Variants in SLF2 observed in about 807,000 individuals in gnomAD.
SLF2 encodes SMC5/6 complex localization factor 2.
SLF2 carries 68 observed loss-of-function variants against 124.3 expected under a neutral mutation model. The observed-to-expected ratio is 0.55, with a 90% confidence interval of 0.45 to 0.67. The LOEUF (loss-of-function observed/expected upper bound fraction) is 0.67. Ranked by LOEUF, SLF2 falls within the 30% of genes least tolerant of loss-of-function variation. The probability of loss-of-function intolerance (pLI) is 0.00; values close to 1 mark genes in which losing one functional copy is unlikely to be tolerated. For missense variants in SLF2, 1,246 were observed against 1,373.7 expected (o/e 0.91, Z 1.47); for synonymous variants, 480 against 478.8 (o/e 1.00, Z -0.03).
intron 4 of SLF2, 142 bp downstream of exon 4, chr10:100,918,583 A>T (rs890124740): frequency 1.0e-5 from 6 of 579,688 alleles, no homozygotes; most frequent in African/African-American, 9.7e-5. Flanking sequence ...GTTTGGTAAG[A>T]TCATATTAAA....
At position 100,916,386 on chromosome 10, in the gene SLF2, A is replaced by G. The variant is rs375467291; in HGVS notation, c.185-184A>G. On this transcript the variant is annotated intron_variant, in intron 2 of 19. Coordinates refer to ENST00000238961, the MANE Select transcript of SLF2 (RefSeq NM_018121.4). Reference sequence around the variant, plus strand: ...TATGAAACTAAGGCTTTTAACAAATAAATCATCTCTTAATTTCTCCTATAC... The same window carrying G: ...TATGAAACTAAGGCTTTTAACAAATGAATCATCTCTTAATTTCTCCTATAC... Among the ~76,000 whole-genome samples the G allele has an allele frequency of 3.9e-5, 6 of 152,306 alleles. No homozygotes were observed. In the South Asian group the frequency reaches 8.3e-4, roughly 21 times the overall value.
chr10:100,937,382 C>T lies in SLF2; in HGVS notation c.2437-20C>T. 1 of 1,578,726 alleles carries T rather than the reference C, an allele frequency of 6.3e-7. No homozygotes were observed. The highest frequency in any genetic ancestry group is 8.7e-7 in the Non-Finnish European group (1 of 1,148,438). ...GTTTTCTTTCTTCTTAATATCCTGT[C>T]ATTTCTCTGCTTTTGACAGATGATG... On this transcript the variant is annotated intron_variant, in intron 9 of 19. Coordinates refer to ENST00000238961, the MANE Select transcript of SLF2 (RefSeq NM_018121.4).
chr10:100,963,802 C>T lies in SLF2; in HGVS notation c.*1890C>T, dbSNP rs1412708954. 2 of 151,768 alleles carry T rather than the reference C, an allele frequency of 1.3e-5. No homozygotes were observed. The highest frequency in any genetic ancestry group is 2.9e-5 in the Non-Finnish European group (2 of 67,892). 9.4% of individuals were successfully genotyped at this position (151,768 alleles called of 1,614,324 possible). A position where few individuals can be genotyped will look rare whatever the true frequency, so the allele number is the denominator to read the frequency against. ...TTATTCAGGTTTTTTTTTAATGACC[C>T]TTTTGTATTGCAGTTTCAACAGATA... On this transcript the variant is annotated 3_prime_UTR_variant, in exon 20 of 20. Coordinates refer to ENST00000238961, the MANE Select transcript of SLF2 (RefSeq NM_018121.4).
At chr10:100,949,349 G>C (rs1282182400) in intron 15 of SLF2, among the ~76,000 whole-genome samples, 22 of 152,142 alleles carry the variant, frequency 1.4e-4, no homozygotes, top group Admixed American at 8.5e-4. Flanking sequence ...ATAATTAGCT[G>C]AATAATTACA....
At position 100,962,585 on chromosome 10, in the gene SLF2, G is replaced by C. The variant is rs1404272302; in HGVS notation, c.*673G>C. 6.6e-6 allele frequency: 1 copy of C among 152,644 alleles called. No homozygotes were observed. Among genetic ancestry groups the C allele is most frequent in the Non-Finnish European group, 1.5e-5 (1 of 68,038 alleles). The allele number at this position is 152,644 out of a possible 1,614,324, so 9.5% of individuals were successfully genotyped here. On this transcript the variant is annotated 3_prime_UTR_variant, in exon 20 of 20. Transcript: ENST00000238961. Reference sequence around the variant, plus strand: ...CCCCTTAAGAGGAAGAGGTTAAGCTGTAAAGTAGTGGCCCTGTTTTGATGC... The same window carrying C: ...CCCCTTAAGAGGAAGAGGTTAAGCTCTAAAGTAGTGGCCCTGTTTTGATGC...
chr10:100,923,639 C>A (rs890951464), intron 4 of SLF2, among the ~76,000 whole-genome samples: 1 of 151,958 alleles, frequency 6.6e-6, no homozygotes, highest in African/African-American at 2.4e-5. Flanking sequence ...AGTCCTAGGT[C>A]TAAAAGAATT....
intron 9 of SLF2, among the ~76,000 whole-genome samples, chr10:100,936,776 G>GT (rs902299156): frequency 6.6e-6 from 1 of 151,236 alleles, no homozygotes; most frequent in African/African-American, 2.4e-5. Context: ...TTCCTTTGTG[G>GT]TTTTTTGGTT....
chr10:100,924,383 C>T lies in SLF2; in HGVS notation c.1382C>T (p.Thr461Ile), dbSNP rs770648724. ...KKASNLQKNKTASSTTKEKET... is the reference protein window; with the variant it reads ...KKASNLQKNKIASSTTKEKET... The stretch of plus-strand genomic sequence containing the variant: ...GCTAGCAACCTTCAGAAAAATAAAA[C>T]CGCTAGCTCCACGACAAAGGAGAAG... The change falls in exon 5 of 20, where the codon ACC becomes ATC. Residue 461 changes from threonine to isoleucine, a missense_variant. Thr to Ile is a moderately conservative substitution (Grantham distance 89). Coordinates refer to ENST00000238961, the MANE Select transcript of SLF2 (RefSeq NM_018121.4). 4 of 1,614,056 alleles carry T rather than the reference C, an allele frequency of 2.5e-6. No individual in the cohort carries two copies. In the South Asian group the frequency reaches 4.4e-5, roughly 18 times the overall value.
At chr10:100,931,880 T>C (rs970212113) in intron 9 of SLF2, among the ~76,000 whole-genome samples, 2 of 152,018 alleles carry the variant, frequency 1.3e-5, no homozygotes, top group African/African-American at 4.8e-5. Context: ...TAATCCCAGC[T>C]ACTCAGGAGG....
chr10:100,929,083 TA>T (rs1412987456), intron 6 of SLF2, among the ~76,000 whole-genome samples: 3 of 152,204 alleles, frequency 2.0e-5, no homozygotes, highest in Admixed American at 6.5e-5. Context: ...AACACTATTC[TA>T]ATGCCACACT....
At chr10:100,915,641 A>G (rs577532375) in intron 1 of SLF2, among the ~76,000 whole-genome samples, 1 of 152,236 alleles carries the variant, frequency 6.6e-6, no homozygotes, top group Non-Finnish European at 1.5e-5. Context: ...GAGAACAAGT[A>G]GGTTCATATG....
chr10:100,921,436 T>C (rs1849522608), intron 4 of SLF2, among the ~76,000 whole-genome samples: 1 of 152,220 alleles, frequency 6.6e-6, no homozygotes, highest in South Asian at 2.1e-4. Flanking sequence ...ATTTTATGTA[T>C]TAGTATATTT....
At chr10:100,957,025 G>GA (rs888436047) in intron 18 of SLF2, among the ~76,000 whole-genome samples, 9 of 151,660 alleles carry the variant, frequency 5.9e-5, no homozygotes, top group African/African-American at 1.7e-4. Context: ...AAAGTGAAAG[G>GA]AAAAAAAATC....
intron 16 of SLF2, 106 bp downstream of exon 16, chr10:100,950,313 C>T: frequency 8.6e-7 from 1 of 1,156,824 alleles, no homozygotes; most frequent in Non-Finnish European, 1.2e-6. Flanking sequence ...ACACTAGACA[C>T]ATTCTAGCAA....
chr10:100,949,217 A>C (rs528808927), intron 15 of SLF2, among the ~76,000 whole-genome samples: 1 of 152,326 alleles, frequency 6.6e-6, no homozygotes, highest in Non-Finnish European at 1.5e-5. Context: ...ATTAGCAGAT[A>C]GTTCTCATTC....
chr10:100,917,115 T>C lies in SLF2; in HGVS notation c.730T>C (p.Cys244Arg), dbSNP rs372105225. The change falls in exon 3 of 20, where the codon TGC (cysteine) becomes CGC (arginine). Residue 244 changes from cysteine (C) to arginine (R), a missense_variant. Cys to Arg is a radical substitution (Grantham distance 180, BLOSUM62 -3). This residue lies in a region of SLF2 where 698 missense variants were observed against 708.9 expected (regional missense o/e 0.98). Transcript: ENST00000238961. Reference protein sequence around the residue: ...AKFQLSLASYCRERELKRLRK... With the variant: ...AKFQLSLASYRRERELKRLRK... ...ATTCCAGTTGTCACTAGCTTCTTAC[T>C]GCAGAGAACGAGAACTAAAGAGGTT... is the stretch of plus-strand genomic sequence containing the variant. The C allele has an allele frequency of 8.7e-6, 14 of 1,614,140 alleles. No individual in the cohort carries two copies. Among genetic ancestry groups the C allele is most frequent in the Non-Finnish European group, 1.2e-5 (14 of 1,180,044 alleles).
At chr10:100,933,282 C>T (rs1207702697) in intron 9 of SLF2, among the ~76,000 whole-genome samples, 2 of 152,156 alleles carry the variant, frequency 1.3e-5, no homozygotes, top group Admixed American at 1.3e-4. Flanking sequence ...ACAAGCATAC[C>T]TTCATTTAAG....
chr10:100,949,232 C>T (rs1850164419), intron 15 of SLF2, among the ~76,000 whole-genome samples: 1 of 152,188 alleles, frequency 6.6e-6, no homozygotes, highest in Admixed American at 6.5e-5. Flanking sequence ...TCATTCCTTT[C>T]ATTGATATTT....
intron 1 of SLF2, chr10:100,913,835 G>A (rs2133742663): frequency 1.0e-6 from 1 of 985,340 alleles, no homozygotes; most frequent in Non-Finnish European, 1.2e-6. Flanking sequence ...AATGAGATGG[G>A]GAGTTTCATC....
Sources: gnomAD v4.1 joint callset for allele counts (sites outside exome capture counted in the v4.1 genomes callset) on GRCh38, gnomAD v4.1.1 for gene constraint, gnomAD v4.1.1 regional missense constraint, MANE v1.5 for transcripts, NCBI Gene and HGNC (gene_info 2026-07-23, HGNC 2026-07-21) for gene names.